The following SRFBP1 variants were observed in gnomAD, a reference collection of about 807,000 sequenced individuals.
SRFBP1 encodes serum response factor-binding protein 1.
In SRFBP1, 47 loss-of-function variants were observed where a neutral mutation model predicts 45.5. That is an observed-to-expected ratio of 1.03 (90% CI 0.82 to 1.32). The LOEUF (loss-of-function observed/expected upper bound fraction) is 1.32. Among genes scored for constraint, SRFBP1 ranks in the 40% most tolerant of loss-of-function variants. The pLI, the probability that SRFBP1 is intolerant of heterozygous loss-of-function variation, is 0.00. For missense variants in SRFBP1, 621 were observed against 484.6 expected (o/e 1.28, Z -2.64); for synonymous variants, 203 against 166.3 (o/e 1.22, Z -1.70).
At chr5:122,046,509 G>A (rs866819150) in intron 2 of SRFBP1, among the ~76,000 whole-genome samples, 30 of 152,202 alleles carry the variant, frequency 2.0e-4, no homozygotes, top group Middle Eastern at 6.8e-3. Context: ...ATAAACATAC[G>A]TGTGCATGTG....
chr5:121,995,272 C>T (rs1561584410), intron 4 of SRFBP1, among the ~76,000 whole-genome samples: 1 of 151,944 alleles, frequency 6.6e-6, no homozygotes, highest in Non-Finnish European at 1.5e-5. Flanking sequence ...AAGTAAAGCT[C>T]TCCTCAGCAA....
intron 4 of SRFBP1, among the ~76,000 whole-genome samples, chr5:121,998,051 C>G (rs1474387093): frequency 1.3e-5 from 2 of 152,012 alleles, no homozygotes; most frequent in Non-Finnish European, 2.9e-5. Flanking sequence ...AATAGGAACA[C>G]TTACACTGTT....
intron 2 of SRFBP1, among the ~76,000 whole-genome samples, chr5:122,074,340 T>G (rs1754552512): frequency 6.6e-6 from 1 of 152,208 alleles, no homozygotes; most frequent in South Asian, 2.1e-4. Flanking sequence ...CCCCAGGACA[T>G]AAGTCTATCA....
At chr5:121,980,640 C>T in intron 3 of SRFBP1, among the ~76,000 whole-genome samples, 1 of 152,064 alleles carries the variant, frequency 6.6e-6, no homozygotes, top group East Asian at 1.9e-4. Context: ...TGTTCATATG[C>T]TGGGTAATTT....
chr5:122,032,631 T>TA (rs1753609430), downstream of SRFBP1, among the ~76,000 whole-genome samples: 1 of 152,248 alleles, frequency 6.6e-6, no homozygotes, highest in South Asian at 2.1e-4. Flanking sequence ...TGTCTTATAG[T>TA]ACTCCACTGG....
chr5:122,024,194 G>A (rs2112712876), intron 7 of SRFBP1, among the ~76,000 whole-genome samples: 1 of 152,314 alleles, frequency 6.6e-6, no homozygotes, highest in South Asian at 2.1e-4. Context: ...TTTCCAGCCA[G>A]TTACCTTTGT....
intron 1 of SRFBP1, among the ~76,000 whole-genome samples, chr5:121,973,015 A>G (rs1752231511): frequency 6.6e-6 from 1 of 151,938 alleles, no homozygotes; most frequent in South Asian, 2.1e-4. Flanking sequence ...GGAGTGAATG[A>G]CATGAAGGGT....
chr5:121,979,965 C>G (rs777195212), intron 3 of SRFBP1, among the ~76,000 whole-genome samples: 6 of 152,126 alleles, frequency 3.9e-5, no homozygotes, highest in Non-Finnish European at 8.8e-5. Flanking sequence ...GAGCATTCTT[C>G]AGATAAGGAC....
chr5:122,052,854 C>G (rs1754013973), intron 2 of SRFBP1, among the ~76,000 whole-genome samples: 1 of 152,024 alleles, frequency 6.6e-6, no homozygotes, highest in African/African-American at 2.4e-5. Flanking sequence ...CTGGTTATTT[C>G]TCATTTGTAT....
At chr5:122,024,685 A>G (rs1753439445) in intron 7 of SRFBP1, among the ~76,000 whole-genome samples, 1 of 152,234 alleles carries the variant, frequency 6.6e-6, no homozygotes, top group African/African-American at 2.4e-5. Context: ...AAGATAATAC[A>G]GGATTTGGCA....
At chr5:122,060,426 C>T (rs550321222) in intron 2 of SRFBP1, among the ~76,000 whole-genome samples, 1 of 152,154 alleles carries the variant, frequency 6.6e-6, no homozygotes, top group South Asian at 2.1e-4. Context: ...CACACCCACA[C>T]ATAAGCCAAA....
chr5:122,012,358 G>A (rs1753114506), intron 4 of SRFBP1, among the ~76,000 whole-genome samples: 2 of 151,946 alleles, frequency 1.3e-5, no homozygotes, highest in South Asian at 2.1e-4. Context: ...TTAAATAATT[G>A]CTATGGTTTA....
At chr5:122,047,406 ATC>A (rs1323775988) in intron 2 of SRFBP1, among the ~76,000 whole-genome samples, 4 of 152,130 alleles carry the variant, frequency 2.6e-5, no homozygotes, top group African/African-American at 4.8e-5. Context: ...ATTGGTCTAT[ATC>A]TCTGTTTTGG....
intron 4 of SRFBP1, among the ~76,000 whole-genome samples, chr5:122,005,184 C>A (rs1752950368): frequency 6.6e-6 from 1 of 152,004 alleles, no homozygotes; most frequent in Non-Finnish European, 1.5e-5. Flanking sequence ...ATACTATTAA[C>A]CTGATGTTTC....
At chr5:121,983,709 T>C (rs924246083) in intron 3 of SRFBP1, among the ~76,000 whole-genome samples, 4 of 151,778 alleles carry the variant, frequency 2.6e-5, no homozygotes, top group Non-Finnish European at 5.9e-5. Flanking sequence ...AGCTTAATTT[T>C]TAGAATATGA....
intron 2 of SRFBP1, among the ~76,000 whole-genome samples, chr5:122,073,787 T>G (rs1754527771): frequency 6.6e-6 from 1 of 152,150 alleles, no homozygotes; most frequent in African/African-American, 2.4e-5. Flanking sequence ...TTTTACATCT[T>G]AACAACATGG....
chr5:122,033,595 G>T (rs951736202), downstream of SRFBP1, among the ~76,000 whole-genome samples: 6 of 151,684 alleles, frequency 4.0e-5, no homozygotes, highest in Non-Finnish European at 5.9e-5. Context: ...CCCGTTAGCT[G>T]GGATTACAGG....
intron 3 of SRFBP1, among the ~76,000 whole-genome samples, chr5:121,984,788 G>A (rs1752479835): frequency 6.6e-6 from 1 of 151,760 alleles, no homozygotes; most frequent in South Asian, 2.1e-4. Context: ...GAGGGATCCA[G>A]AACAGAGATA....
chr5:122,020,025 C>T, intron 5 of SRFBP1, 63 bp from the exon 6 acceptor site: 1 of 1,165,976 alleles, frequency 8.6e-7, no homozygotes, highest in Non-Finnish European at 1.2e-6. Flanking sequence ...AAATACTGTC[C>T]TAAAACAGTC....
Sources: gnomAD v4.1 joint callset for allele counts (sites outside exome capture counted in the v4.1 genomes callset) on GRCh38, gnomAD v4.1.1 for gene constraint, MANE v1.5 for transcripts, NCBI Gene and HGNC (gene_info 2026-07-23, HGNC 2026-07-21) for gene names.